The following DYDC2 variants were observed in gnomAD, a reference collection of about 807,000 sequenced individuals.
The protein encoded by DYDC2 is DPY30 domain containing 2.
A neutral mutation model predicts 18.7 loss-of-function variants in DYDC2; 19 were observed. The ratio of observed to expected loss-of-function variants is 1.02; its 90% CI spans 0.71 to 1.49. DYDC2 has a LOEUF of 1.49. DYDC2 is among the 40% of genes most tolerant of loss of function. DYDC2 has a pLI of 0.00. For missense variants in DYDC2, 179 were observed against 205.1 expected (o/e 0.87, Z 0.78); for synonymous variants, 63 against 67.6 (o/e 0.93, Z 0.34).
chr10:80,358,585 CCCCTGACTAGAGAA>C (rs1202139256), intron 2 of DYDC2, among the ~76,000 whole-genome samples: 1 of 152,134 alleles, frequency 6.6e-6, no homozygotes, highest in East Asian at 1.9e-4. Context: ...TGGCAGCCAC[CCCCTGACTAGAGAA>C]TGCAGAGTTG....
intron 1 of DYDC2, chr10:80,351,775 G>A: frequency 1.2e-6 from 1 of 815,968 alleles, no homozygotes; most frequent in South Asian, 1.8e-5. Flanking sequence ...CATCCATAAA[G>A]ATGAAGATAT....
In DYDC2 at chr10:80,362,626, C is replaced by A. The variant is rs1843698851; in HGVS notation, c.147+36C>A. 3.2e-6 allele frequency: 5 copies of A among 1,563,050 alleles called. No individual in the cohort carries two copies. In the East Asian group the frequency reaches 1.1e-4, roughly 36 times the overall value. On this transcript the variant is annotated intron_variant, in intron 3 of 4. Transcript: ENST00000256039. The stretch of plus-strand genomic sequence containing the variant: ...GCACTGGGACTTAGGGAGGGCCCAG[C>A]TTTCCCAGAGTAATTTGAAAGCCAA...
rs1843484675 is a variant in DYDC2 at position 80,357,887 on chromosome 10, T to G, written c.-162-6T>G. The G allele has an allele frequency of 1.0e-6, 1 of 985,214 alleles. No homozygotes were observed. The allele number at this position is 985,214 out of a possible 1,614,324, so 61.0% of individuals were successfully genotyped here. ...TCTCAATGAATAAGTCAAGAAATAT[T>G]TACAGAGCTCCCAGTGTGCCAAGCG... is the stretch of plus-strand genomic sequence containing the variant. On this transcript the variant is annotated splice_polypyrimidine_tract_variant and splice_region_variant and intron_variant, in intron 1 of 4. Transcript: ENST00000256039.
At chr10:80,348,708 G>T (rs1842807648) in intron 1 of DYDC2, among the ~76,000 whole-genome samples, 1 of 152,178 alleles carries the variant, frequency 6.6e-6, no homozygotes, top group South Asian at 2.1e-4. Context: ...ATTCTACAAA[G>T]TAATGCATGC....
chr10:80,357,215 A>G, intron 1 of DYDC2, among the ~76,000 whole-genome samples: 1 of 119,766 alleles, frequency 8.3e-6, no homozygotes, highest in South Asian at 2.8e-4. Context: ...GGCAGAGAGA[A>G]GCGGGCGCGC....
intron 2 of DYDC2, among the ~76,000 whole-genome samples, chr10:80,359,266 G>C (rs2132885091): frequency 6.6e-6 from 1 of 152,250 alleles, no homozygotes; most frequent in South Asian, 2.1e-4. Context: ...GCTAGACACA[G>C]AGCACTGATT....
chr10:80,353,441 C>T (rs1022844996), upstream of DYDC2, among the ~76,000 whole-genome samples: 5 of 150,968 alleles, frequency 3.3e-5, no homozygotes, highest in South Asian at 6.3e-4. Flanking sequence ...GGATTACAGG[C>T]GTGAGCCACC....
chr10:80,364,645 G>GC (rs1375643091), intron 4 of DYDC2, among the ~76,000 whole-genome samples: 1 of 152,158 alleles, frequency 6.6e-6, no homozygotes, highest in Non-Finnish European at 1.5e-5. Flanking sequence ...TCATTCTTTT[G>GC]CCAAGTGTGT....
chr10:80,358,508 T>C (rs1325323888), intron 2 of DYDC2, among the ~76,000 whole-genome samples: 4 of 152,178 alleles, frequency 2.6e-5, no homozygotes, highest in Non-Finnish European at 5.9e-5. Flanking sequence ...CTTCAGATCA[T>C]TGTTGAAAAT....
At chr10:80,358,563 A>C (rs1442477015) in intron 2 of DYDC2, among the ~76,000 whole-genome samples, 1 of 152,160 alleles carries the variant, frequency 6.6e-6, no homozygotes, top group Non-Finnish European at 1.5e-5. Context: ...GGCTTGCCAC[A>C]TGTAACCAGT....
chr10:80,358,669 C>T (rs1479312309), intron 2 of DYDC2, among the ~76,000 whole-genome samples: 2 of 152,274 alleles, frequency 1.3e-5, no homozygotes, highest in Admixed American at 6.5e-5. Flanking sequence ...AGATTGGTAA[C>T]TACAGGTCGC....
intron 3 of DYDC2, among the ~76,000 whole-genome samples, 159 bp from the exon 4 acceptor site, chr10:80,362,792 G>T (rs45494892): frequency 0.035 from 5,253 of 152,236 alleles, 117 homozygotes; most frequent in African/African-American, 0.051. Context: ...GAGCTGTGGA[G>T]TTGAAGGGTT....
chr10:80,353,869 G>A, upstream of DYDC2, among the ~76,000 whole-genome samples: 1 of 152,130 alleles, frequency 6.6e-6, no homozygotes, highest in Non-Finnish European at 1.5e-5. Context: ...GGACTTGAGA[G>A]TCCTTCAGGA....
intron 1 of DYDC2, among the ~76,000 whole-genome samples, chr10:80,347,085 A>G (rs1468173406): frequency 1.3e-5 from 2 of 148,706 alleles, no homozygotes; most frequent in Non-Finnish European, 3.0e-5. Context: ...GTGTCCGAAA[A>G]AGAAAAAAAA....
At position 80,347,276 on chromosome 10, in the gene DYDC2, C is replaced by CTTTTTTTTTT. The variant is rs556362145; in HGVS notation, c.-310+2481_-310+2490dup. ...CTTTGCCCATTTTTTAATTGGGATCCTTTTTTTTTTTTTTTTTTTTTTTTT... is the reference window on the plus strand; with the variant it reads ...CTTTGCCCATTTTTTAATTGGGATCCTTTTTTTTTTTTTTTTTTTTTTTTTTTTTTTTTTT... On this transcript the variant is annotated intron_variant, in intron 1 of 4. Transcript: ENST00000372197. Among the ~76,000 whole-genome samples the CTTTTTTTTTT allele has an allele frequency of 2.2e-4, 20 of 90,114 alleles. 6 individuals carry two copies. The highest frequency in any genetic ancestry group is 4.8e-4 in the African/African-American group (11 of 22,842). The allele number at this position is 90,114 out of a possible 152,430, so 59.1% of individuals were successfully genotyped here. A position where few individuals can be genotyped will look rare whatever the true frequency, so the allele number is the denominator to read the frequency against.
At chr10:80,356,877 G>A in intron 1 of DYDC2, 52 bp downstream of exon 1, 2 of 985,568 alleles carry the variant, frequency 2.0e-6, no homozygotes, top group Non-Finnish European at 2.4e-6. Flanking sequence ...CAGCAGAGAG[G>A]AGAGGGCGTG....
intron 1 of DYDC2, among the ~76,000 whole-genome samples, chr10:80,346,311 T>C (rs1842618918): frequency 6.6e-6 from 1 of 152,214 alleles, no homozygotes; most frequent in Non-Finnish European, 1.5e-5. Context: ...TACTGGGTCA[T>C]ATGGTAGCTT....
At chr10:80,357,798 C>T (rs1445764024) in intron 1 of DYDC2, 95 bp from the exon 2 acceptor site, 2 of 985,478 alleles carry the variant, frequency 2.0e-6, no homozygotes. Context: ...GTTAGTTGAG[C>T]TAGTAAATGC....
At chr10:80,351,525 C>T (rs948830790) in intron 1 of DYDC2, among the ~76,000 whole-genome samples, 7 of 151,286 alleles carry the variant, frequency 4.6e-5, no homozygotes, top group Non-Finnish European at 1.0e-4. Context: ...CGCCAAATTA[C>T]GGTGGCCTCT....
Sources: gnomAD v4.1 joint callset for allele counts (sites outside exome capture counted in the v4.1 genomes callset) on GRCh38, gnomAD v4.1.1 for gene constraint, MANE v1.5 for transcripts, NCBI Gene and HGNC (gene_info 2026-07-23, HGNC 2026-07-21) for gene names.